KBTBD12: variants seen among roughly 807,000 people sequenced by gnomAD.
KBTBD12 encodes the protein kelch repeat and BTB domain containing 12, also known as kelch repeat and BTB domain-containing protein 12.
KBTBD12 carries 53 observed loss-of-function variants against 58.7 expected under a neutral mutation model. That is an observed-to-expected ratio of 0.90 (90% CI 0.72 to 1.14). The LOEUF (loss-of-function observed/expected upper bound fraction) is 1.14, where lower values mean the gene tolerates loss of function less well. Among genes scored for constraint, KBTBD12 ranks in the 50% most tolerant of loss-of-function variants. The pLI is 0.00. For synonymous variants in KBTBD12, 236 were observed against 259.8 expected, an observed-to-expected ratio of 0.91 and a Z score of 0.88; for missense variants, 704 against 751.3, an observed-to-expected ratio of 0.94 and a Z score of 0.74.
chr3:127,919,284 G>A (rs551750711), intron 1 of KBTBD12, among the ~76,000 whole-genome samples: 75 of 152,262 alleles, frequency 4.9e-4, no homozygotes, highest in African/African-American at 1.6e-3. Flanking sequence ...AGGCAGGAGT[G>A]CAGTGGCACG....
intron 5 of KBTBD12, among the ~76,000 whole-genome samples, chr3:127,977,217 T>TA (rs1236072364): frequency 1.3e-5 from 2 of 152,244 alleles, no homozygotes; most frequent in African/African-American, 4.8e-5. Context: ...CTACCACAGT[T>TA]TCTTTATCTG....
chr3:127,967,118 A>G (rs1940590454), intron 5 of KBTBD12, among the ~76,000 whole-genome samples: 1 of 152,226 alleles, frequency 6.6e-6, no homozygotes, highest in African/African-American at 2.4e-5. Context: ...CAAAAAAGAT[A>G]GATGTGGGAC....
intron 4 of KBTBD12, 52 bp from the exon 5 acceptor site, chr3:127,963,137 C>T: frequency 6.8e-7 from 1 of 1,470,274 alleles, no homozygotes; most frequent in Non-Finnish European, 9.2e-7. Context: ...GTGCTGTCCA[C>T]AATTGAGTTT....
chr3:127,920,721 CCATTTCTCAA>C (rs1473951849), intron 1 of KBTBD12, among the ~76,000 whole-genome samples: 1 of 151,538 alleles, frequency 6.6e-6, no homozygotes, highest in Non-Finnish European at 1.5e-5. Context: ...TTACAGTGGT[CCATTTCTCAA>C]AATGAAATAT....
chr3:127,974,137 TA>T (rs1268602304), intron 5 of KBTBD12, among the ~76,000 whole-genome samples: 2 of 152,152 alleles, frequency 1.3e-5, no homozygotes, highest in Non-Finnish European at 2.9e-5. Context: ...AAAATAAAAC[TA>T]AAAACATGCT....
At chr3:127,961,511 C>T (rs1329285159) in intron 4 of KBTBD12, among the ~76,000 whole-genome samples, 1 of 152,216 alleles carries the variant, frequency 6.6e-6, no homozygotes, top group African/African-American at 2.4e-5. Flanking sequence ...GAAAAAAAGA[C>T]TTTTCCTTCA....
chr3:127,965,611 A>G (rs1399114828), intron 5 of KBTBD12, among the ~76,000 whole-genome samples: 1 of 152,256 alleles, frequency 6.6e-6, no homozygotes, highest in Non-Finnish European at 1.5e-5. Context: ...CAATAAAAAT[A>G]CATTGAAATA....
At chr3:127,918,711 CAAA>C (rs56759676) in intron 1 of KBTBD12, among the ~76,000 whole-genome samples, 2 of 117,598 alleles carry the variant, frequency 1.7e-5, no homozygotes, top group Non-Finnish European at 3.4e-5. Context: ...GACTCCGTCT[CAAA>C]AAAAAAAAAA....
At position 127,987,403 on chromosome 3, in the gene KBTBD12, T is replaced by A. The variant is rs1940989052; in HGVS notation, c.*3125T>A. The A allele has an allele frequency of 6.6e-6, 1 of 152,262 alleles. No individual in the cohort carries two copies. Among genetic ancestry groups the A allele is most frequent in the South Asian group, 2.1e-4 (1 of 4,832 alleles). The allele number at this position is 152,262 out of a possible 1,614,324, so 9.4% of individuals were successfully genotyped here. On this transcript the variant is annotated 3_prime_UTR_variant, in exon 6 of 6. Transcript: ENST00000405109. ...ATTCCTATCACTCCTGTTTTCACTTTAATAGAAGGCTGTTGCAGTACTGCA... is the reference window on the plus strand; with the variant it reads ...ATTCCTATCACTCCTGTTTTCACTTAAATAGAAGGCTGTTGCAGTACTGCA...
intron 4 of KBTBD12, among the ~76,000 whole-genome samples, chr3:127,933,343 G>A (rs1473659301): frequency 6.6e-6 from 1 of 152,076 alleles, no homozygotes; most frequent in African/African-American, 2.4e-5. Flanking sequence ...GCCAAAGGGG[G>A]CTGACATGTT....
Position 127,923,712 on chromosome 3 carries a change from GA to G in KBTBD12, c.653del (p.Lys218SerfsTer8). On this transcript the variant is annotated frameshift_variant, in exon 2 of 6. Transcript: ENST00000405109. LOFTEE classifies it high-confidence loss of function. ...LRTVHLVELL[K>X]QVRLELVNPS... ...GTACAGTGCATCTTGTTGAGCTTTTGAAGCAAGTCAGATTGGAACTTGTAAA... is the reference window on the plus strand; with the variant it reads ...GTACAGTGCATCTTGTTGAGCTTTTGAGCAAGTCAGATTGGAACTTGTAAA... The G allele has an allele frequency of 6.2e-7, 1 of 1,613,842 alleles. No homozygotes were observed. The highest frequency in any genetic ancestry group is 2.2e-5 in the East Asian group (1 of 44,880).
At chr3:127,972,196 A>C (rs1160995999) in intron 5 of KBTBD12, among the ~76,000 whole-genome samples, 1 of 152,178 alleles carries the variant, frequency 6.6e-6, no homozygotes. Flanking sequence ...CCCTTATTTT[A>C]AAGGTGCAGA....
intron 2 of KBTBD12, among the ~76,000 whole-genome samples, chr3:127,926,053 A>G (rs574653564): frequency 6.6e-6 from 1 of 152,244 alleles, no homozygotes; most frequent in Admixed American, 6.5e-5. Context: ...GTACCTTTCC[A>G]TCTCCTTCAC....
chr3:127,965,702 A>G (rs1940549543), intron 5 of KBTBD12, among the ~76,000 whole-genome samples: 1 of 152,262 alleles, frequency 6.6e-6, no homozygotes, highest in African/African-American at 2.4e-5. Flanking sequence ...TGTAATAAAC[A>G]TAGTAATTTG....
rs534185834 is a variant in KBTBD12 at position 127,945,357 on chromosome 3, T to C, written c.1492+15074T>C. On this transcript the variant is annotated intron_variant, in intron 4 of 5. Coordinates refer to ENST00000405109, the MANE Select transcript of KBTBD12 (RefSeq NM_207335.4). ...CCACCACAATGCCCGGCTAATTTTT[T>C]GTATTTTTAGTAGAGACAGGGTTTC... 1.1e-3 allele frequency among the ~76,000 whole-genome samples: 169 copies of C among 151,138 alleles called. 1 individual carries two copies. The highest frequency in any genetic ancestry group is 1.3e-3 in the Admixed American group (20 of 15,204).
At chr3:127,921,992 A>G (rs1939422092) in intron 1 of KBTBD12, among the ~76,000 whole-genome samples, 1 of 152,144 alleles carries the variant, frequency 6.6e-6, no homozygotes, top group Admixed American at 6.5e-5. Flanking sequence ...CTTGCAACTT[A>G]CAGCCAAGTT....
intron 4 of KBTBD12, among the ~76,000 whole-genome samples, chr3:127,950,559 T>C (rs531202147): frequency 3.9e-5 from 6 of 152,308 alleles, no homozygotes; most frequent in Admixed American, 6.5e-5. Context: ...ACTAATACTT[T>C]GTTGCAGCAA....
chr3:127,975,691 A>G (rs188249304), intron 5 of KBTBD12, among the ~76,000 whole-genome samples: 2 of 152,294 alleles, frequency 1.3e-5, no homozygotes, highest in East Asian at 3.9e-4. Flanking sequence ...AAAGTTTTAT[A>G]TGTTTTATAA....
At chr3:127,930,426 T>C (rs942270089) in intron 4 of KBTBD12, 143 bp downstream of exon 4, 1 of 756,618 alleles carries the variant, frequency 1.3e-6, no homozygotes. Flanking sequence ...TTTTATTTCT[T>C]GTTTTCTAGA....
Sources: allele counts gnomAD v4.1 joint callset (sites outside exome capture counted in the v4.1 genomes callset), GRCh38; gene constraint gnomAD v4.1.1; transcripts MANE v1.5; gene names NCBI Gene and HGNC (gene_info 2026-07-23, HGNC 2026-07-21).